Variants in BEND2 observed in about 807,000 individuals in gnomAD.
The protein encoded by BEND2 is BEN domain-containing protein 2.
Under a neutral mutation model 43.8 loss-of-function variants are expected in BEND2, and 19 were observed. That is an observed-to-expected ratio of 0.43 (90% CI 0.30 to 0.64). The LOEUF is 0.64. Among genes scored for constraint, BEND2 ranks in the 30% least tolerant of loss-of-function variants. The pLI is 0.11. For missense variants in BEND2, 544 were observed against 574.0 expected (o/e 0.95, Z 0.53); for synonymous variants, 226 against 210.1 (o/e 1.08, Z -0.66).
At chrX:18,218,854 T>C (rs5909423) in intron 1 of BEND2, among the ~76,000 whole-genome samples, 25,145 of 111,338 alleles carry the variant, frequency 0.23, 2,316 homozygotes, top group African/African-American at 0.34. Context: ...AGAGAGACTC[T>C]GCCTCAAAAA....
At position 18,213,756 on chromosome X, in the gene BEND2, A is replaced by G; in HGVS notation, c.376+18T>C. 1.3e-5 allele frequency: 2 copies of G among 157,372 alleles called. No individual in the cohort carries two copies. Among genetic ancestry groups the G allele is most frequent in the Non-Finnish European group, 1.2e-5 (1 of 81,917 alleles). 13.0% of individuals were successfully genotyped at this position (157,372 alleles called of 1,213,427 possible). On this transcript the variant is annotated intron_variant, in intron 3 of 13. Coordinates refer to ENST00000380033, the MANE Select transcript of BEND2 (RefSeq NM_153346.5). The stretch of plus-strand genomic sequence containing the variant: ...GCAAGATATCATCTCTACTAAAAAT[A>G]AAAATAAAAATAAATACCTGGGCAT...
In BEND2 at chrX:18,203,256, A is replaced by T. The variant is rs774874916; in HGVS notation, c.907+245T>A. 1.5e-4 allele frequency among the ~76,000 whole-genome samples: 16 copies of T among 106,105 alleles called. 1 individual carries two copies. The South Asian group carries it at 2.0e-3, about 14-fold the overall frequency. 92.1% of individuals were successfully genotyped at this position (106,105 alleles called of 115,157 possible). A position where few individuals can be genotyped will look rare whatever the true frequency, so the allele number is the denominator to read the frequency against. ...CTTTCTCATCTGATAAAATTGTTTT[A>T]AAAAAAAAAGCCGAAAGTCAGACAC... On this transcript the variant is annotated intron_variant, in intron 5 of 13. Coordinates refer to ENST00000380033, the MANE Select transcript of BEND2 (RefSeq NM_153346.5).
chrX:18,213,744 T>C, intron 3 of BEND2, 30 bp downstream of exon 3: 1 of 141,418 alleles, frequency 7.1e-6, no homozygotes, highest in Non-Finnish European at 1.4e-5. Flanking sequence ...AGATATCATC[T>C]CTACTAAAAA....
chrX:18,209,272 G>A (rs1925435418), intron 4 of BEND2, among the ~76,000 whole-genome samples: 1 of 111,412 alleles, frequency 9.0e-6, no homozygotes, highest in African/African-American at 3.3e-5. Flanking sequence ...AAGGAATGAG[G>A]GAGACAGAGA....
intron 10 of BEND2, among the ~76,000 whole-genome samples, chrX:18,176,296 C>T (rs1364476261): frequency 9.8e-6 from 1 of 102,031 alleles, no homozygotes; most frequent in African/African-American, 3.6e-5. Context: ...GGATGCTTTG[C>T]TGAATTATTT....
At chrX:18,207,138 CA>C (rs768011446) in intron 4 of BEND2, among the ~76,000 whole-genome samples, 2 of 111,551 alleles carry the variant, frequency 1.8e-5, no homozygotes, top group East Asian at 5.7e-4. Context: ...CCTCTGCACC[CA>C]CTTCCCCCCA....
At chrX:18,171,228 C>A (rs1215160874) in intron 12 of BEND2, 24 bp from the exon 13 acceptor site, 14 of 1,172,056 alleles carry the variant, frequency 1.2e-5, no homozygotes, top group Non-Finnish European at 1.6e-5. Context: ...AGAAAGATGT[C>A]AATTTTCATA....
At chrX:18,191,193 A>C in intron 7 of BEND2, 85 bp from the exon 8 acceptor site, 1 of 697,485 alleles carries the variant, frequency 1.4e-6, no homozygotes, top group Non-Finnish European at 2.1e-6. Flanking sequence ...AGATCAGGTG[A>C]AACTATCCTT....
intron 6 of BEND2, among the ~76,000 whole-genome samples, chrX:18,196,361 T>A (rs955121517): frequency 9.1e-6 from 1 of 109,647 alleles, no homozygotes; most frequent in African/African-American, 3.3e-5. Flanking sequence ...ATGGAGAAAC[T>A]GGATCACCCA....
At chrX:18,174,548 C>T (rs1313397104) in intron 11 of BEND2, among the ~76,000 whole-genome samples, 1 of 112,216 alleles carries the variant, frequency 8.9e-6, no homozygotes, top group Non-Finnish European at 1.9e-5. Flanking sequence ...AAACATTTCA[C>T]AAATAAACAA....
rs12557519 is a variant in BEND2, at chrX:18,190,766, T to A, written c.1288+235A>T. On this transcript the variant is annotated intron_variant, in intron 8 of 13. Transcript: ENST00000380033. The stretch of plus-strand genomic sequence containing the variant: ...CTCTCTCTCTCTCTCTCTCTCTCTC[T>A]CACACACACACACACACACACACAC... 0.33 allele frequency among the ~76,000 whole-genome samples: 30,511 copies of A among 92,614 alleles called. 5,489 individuals carry two copies. Among genetic ancestry groups the A allele is most frequent in the Non-Finnish European group, 0.46 (21,202 of 46,231 alleles). The allele number at this position is 92,614 out of a possible 115,157, so 80.4% of individuals were successfully genotyped here.
chrX:18,164,636 A>C lies in BEND2; in HGVS notation c.*373T>G. 1 of 128,076 alleles carries C rather than the reference A, an allele frequency of 7.8e-6. No homozygotes were observed. Among genetic ancestry groups the C allele is most frequent in the Middle Eastern group, 3.5e-3 (1 of 286 alleles). 10.6% of individuals were successfully genotyped at this position (128,076 alleles called of 1,213,427 possible). A position where few individuals can be genotyped will look rare whatever the true frequency, so the allele number is the denominator to read the frequency against. ...GTCACAAAAATAAAAAGACTTGTCAAGTTTTATACGAATTATATTATTTGA... is the reference window on the plus strand; with the variant it reads ...GTCACAAAAATAAAAAGACTTGTCACGTTTTATACGAATTATATTATTTGA... On this transcript the variant is annotated 3_prime_UTR_variant, in exon 14 of 14. Transcript: ENST00000380033.
chrX:18,174,811 C>A (rs766031339), intron 11 of BEND2, among the ~76,000 whole-genome samples: 1 of 110,084 alleles, frequency 9.1e-6, no homozygotes, highest in East Asian at 2.9e-4. Context: ...GGTTGACAAC[C>A]ACTGCTCTGG....
At chrX:18,184,528 G>A (rs1227458461) in intron 8 of BEND2, among the ~76,000 whole-genome samples, 1 of 111,565 alleles carries the variant, frequency 9.0e-6, no homozygotes, top group Non-Finnish European at 1.9e-5. Flanking sequence ...GAATTCTTCT[G>A]GATCTTAACC....
intron 13 of BEND2, among the ~76,000 whole-genome samples, chrX:18,166,613 A>G (rs1421235304): frequency 9.0e-6 from 1 of 111,513 alleles, no homozygotes; most frequent in Non-Finnish European, 1.9e-5. Context: ...GGGTAAAGGC[A>G]TTCAGTTTTG....
intron 1 of BEND2, among the ~76,000 whole-genome samples, chrX:18,220,014 C>A (rs1925813404): frequency 8.9e-6 from 1 of 112,184 alleles, no homozygotes; most frequent in African/African-American, 3.2e-5. Flanking sequence ...CCCCCATACC[C>A]CGCCTCACCA....
At chrX:18,166,467 T>C (rs753349303) in intron 13 of BEND2, among the ~76,000 whole-genome samples, 85 of 111,497 alleles carry the variant, frequency 7.6e-4, no homozygotes, top group African/African-American at 2.1e-3. Flanking sequence ...ACAGAAAAGA[T>C]AAGTGGAGCC....
chrX:18,198,951 G>A (rs1938951658), intron 6 of BEND2, among the ~76,000 whole-genome samples: 2 of 102,882 alleles, frequency 1.9e-5, no homozygotes, highest in Non-Finnish European at 3.9e-5. Flanking sequence ...CTATCACAAG[G>A]ACAAAAAACC....
intron 6 of BEND2, among the ~76,000 whole-genome samples, chrX:18,196,910 C>T (rs1215438746): frequency 3.6e-5 from 4 of 110,849 alleles, no homozygotes; most frequent in African/African-American, 1.3e-4. Flanking sequence ...GAGAATCAAA[C>T]CTATTCGTGG....
Sources: allele counts gnomAD v4.1 joint callset (sites outside exome capture counted in the v4.1 genomes callset), GRCh38; gene constraint gnomAD v4.1.1; transcripts MANE v1.5; gene names NCBI Gene and HGNC (gene_info 2026-07-23, HGNC 2026-07-21).